NRXN3: variants seen among roughly 807,000 people sequenced by gnomAD.
NRXN3 encodes the protein neurexin 3.
NRXN3 carries 32 observed loss-of-function variants against 137.6 expected under a neutral mutation model. The ratio of observed to expected loss-of-function variants is 0.23; its 90% CI spans 0.18 to 0.31. NRXN3 has a LOEUF of 0.31. Among genes scored for constraint, NRXN3 ranks in the 10% least tolerant of loss-of-function variants. The pLI is 1.00. For missense variants in NRXN3, 1,574 were observed against 2,062.5 expected, an observed-to-expected ratio of 0.76 and a Z score of 4.59; for synonymous variants, 798 against 784.5, an observed-to-expected ratio of 1.02 and a Z score of -0.29.
At chr14:78,282,006 G>A (rs1186095049) in intron 3 of NRXN3, 3 of 406,428 alleles carry the variant, frequency 7.4e-6, no homozygotes, top group Non-Finnish European at 1.5e-5. Context: ...ACAAGCACAT[G>A]GGGAGTTTTG....
chr14:79,313,956 C>T (rs2087672021), intron 15 of NRXN3: 1 of 148,286 alleles, frequency 6.7e-6, no homozygotes, highest in Non-Finnish European at 1.5e-5. Context: ...ATTCTCCATC[C>T]AGCTTTGTTC....
At chr14:79,093,609 C>G (rs914185473) in intron 15 of NRXN3, among the ~76,000 whole-genome samples, 2 of 152,168 alleles carry the variant, frequency 1.3e-5, no homozygotes, top group African/African-American at 4.8e-5. Context: ...GCGAGCGAGC[C>G]TACTAAACTG....
intron 16 of NRXN3, among the ~76,000 whole-genome samples, chr14:79,565,587 G>A (rs1430972264): frequency 1.3e-5 from 2 of 151,812 alleles, no homozygotes; most frequent in Non-Finnish European, 2.9e-5. Context: ...ATAGTCACTT[G>A]CTCTAATTTC....
At chr14:78,178,632 G>A (rs2059491518) in intron 1 of NRXN3, among the ~76,000 whole-genome samples, 1 of 152,186 alleles carries the variant, frequency 6.6e-6, no homozygotes, top group South Asian at 2.1e-4. Flanking sequence ...CTCAGCGTGA[G>A]ATTTCAGTGA....
chr14:79,472,444 C>G (rs2096522233), intron 16 of NRXN3, among the ~76,000 whole-genome samples: 1 of 152,066 alleles, frequency 6.6e-6, no homozygotes, highest in African/African-American at 2.4e-5. Context: ...ACTAACATTT[C>G]TTTGTTTTTG....
At chr14:79,615,613 C>T (rs898535378) in intron 16 of NRXN3, among the ~76,000 whole-genome samples, 46 of 152,094 alleles carry the variant, frequency 3.0e-4, no homozygotes, top group Non-Finnish European at 1.0e-4. Context: ...AGGAAACTTA[C>T]AATCATGGTG....
chr14:79,645,627 A>C (rs1263045795), intron 16 of NRXN3, among the ~76,000 whole-genome samples: 1 of 134,058 alleles, frequency 7.5e-6, no homozygotes, highest in Non-Finnish European at 1.7e-5. Context: ...AAAAAAAAAA[A>C]AAAGTTTTTT....
chr14:79,737,402 TG>T (rs1239904084), intron 19 of NRXN3, among the ~76,000 whole-genome samples: 1 of 152,238 alleles, frequency 6.6e-6, no homozygotes, highest in Non-Finnish European at 1.5e-5. Flanking sequence ...AATTATCCAC[TG>T]TTAAATCTTC....
intron 4 of NRXN3, among the ~76,000 whole-genome samples, chr14:78,314,505 C>T (rs1284680786): frequency 6.6e-6 from 1 of 152,114 alleles, no homozygotes; most frequent in Non-Finnish European, 1.5e-5. Flanking sequence ...AGTCTACTGG[C>T]AGAGGAGGAG....
intron 16 of NRXN3, among the ~76,000 whole-genome samples, chr14:79,590,291 A>T (rs2097792158): frequency 6.6e-6 from 1 of 151,974 alleles, no homozygotes; most frequent in African/African-American, 2.4e-5. Context: ...TCCCTGCACA[A>T]GCTCTCTCTC....
chr14:79,523,018 T>C (rs1446331790), intron 16 of NRXN3, among the ~76,000 whole-genome samples: 1 of 152,192 alleles, frequency 6.6e-6, no homozygotes. Flanking sequence ...GGTTGCTTTC[T>C]CTCTTTCCTA....
chr14:78,271,090 C>T (rs1386543817), intron 2 of NRXN3, among the ~76,000 whole-genome samples: 1 of 152,210 alleles, frequency 6.6e-6, no homozygotes, highest in Non-Finnish European at 1.5e-5. Flanking sequence ...GATTCATAAG[C>T]TTCCCATTTT....
chr14:78,767,541 G>A (rs761509399), intron 8 of NRXN3, among the ~76,000 whole-genome samples: 35 of 152,242 alleles, frequency 2.3e-4, no homozygotes, highest in Non-Finnish European at 4.1e-4. Context: ...GGCATGTGTC[G>A]CAGAGCGCCC....
At chr14:79,392,905 G>T (rs1450489379) in intron 15 of NRXN3, among the ~76,000 whole-genome samples, 3 of 140,708 alleles carry the variant, frequency 2.1e-5, no homozygotes, top group African/African-American at 7.8e-5. Context: ...AAGAGGCAGA[G>T]GTTGCAGTGA....
chr14:79,618,281 G>C (rs985351107), intron 16 of NRXN3, among the ~76,000 whole-genome samples: 5 of 152,048 alleles, frequency 3.3e-5, no homozygotes, highest in African/African-American at 1.2e-4. Context: ...TTTGGTGTAA[G>C]AATGATCCCC....
At chr14:78,221,915 T>C (rs2063892653) in intron 1 of NRXN3, among the ~76,000 whole-genome samples, 1 of 152,110 alleles carries the variant, frequency 6.6e-6, no homozygotes, top group African/African-American at 2.4e-5. Flanking sequence ...TATGGGGAAA[T>C]AGACTCCACC....
intron 6 of NRXN3, among the ~76,000 whole-genome samples, chr14:78,674,592 A>G (rs963841247): frequency 1.3e-5 from 2 of 152,146 alleles, no homozygotes; most frequent in African/African-American, 4.8e-5. Flanking sequence ...CTGGGGCAAA[A>G]GAAGTTGTGG....
intron 8 of NRXN3, among the ~76,000 whole-genome samples, chr14:78,754,280 GGTGGGGTTA>G (rs1205832797): frequency 6.6e-6 from 1 of 152,054 alleles, no homozygotes; most frequent in Admixed American, 6.6e-5. Context: ...TTAACACTAT[GGTGGGGTTA>G]CAAGGCTCTG....
chr14:78,693,656 C>CGTGTGT (rs4016744), intron 6 of NRXN3, among the ~76,000 whole-genome samples: 1,253 of 113,950 alleles, frequency 0.011, 10 homozygotes, highest in South Asian at 0.014. Context: ...AGTTGATTTT[C>CGTGTGT]GTGTGTGTGT....
Sources: gnomAD v4.1 joint callset for allele counts (sites outside exome capture counted in the v4.1 genomes callset) on GRCh38, gnomAD v4.1.1 for gene constraint, MANE v1.5 for transcripts, NCBI Gene and HGNC (gene_info 2026-07-23, HGNC 2026-07-21) for gene names.